The following DMD variants were observed in gnomAD, a reference collection of about 807,000 sequenced individuals.
DMD encodes dystrophin, also known as mutant dystrophin.
DMD carries 63 observed loss-of-function variants against 330.1 expected under a neutral mutation model. The observed-to-expected ratio is 0.19, with a 90% confidence interval of 0.16 to 0.24. The LOEUF (loss-of-function observed/expected upper bound fraction) is 0.24. DMD is among the 10% of genes least tolerant of loss of function. DMD has a pLI of 1.00. For synonymous variants in DMD, 1,223 were observed against 959.8 expected (o/e 1.27, Z -5.07); for missense variants, 3,344 against 2,684.1 (o/e 1.25, Z -5.43).
intron 1 of DMD, among the ~76,000 whole-genome samples, chrX:33,236,555 G>A (rs1443529267): frequency 4.5e-5 from 5 of 110,978 alleles, no homozygotes; most frequent in Non-Finnish European, 9.4e-5. Flanking sequence ...GTGAGCCACC[G>A]CGTCCGGACT....
intron 41 of DMD, among the ~76,000 whole-genome samples, chrX:32,322,295 A>G (rs2097621021): frequency 8.9e-6 from 1 of 112,049 alleles, no homozygotes; most frequent in Admixed American, 9.5e-5. Flanking sequence ...GTGGTGGGTC[A>G]CAACTGAAAT....
chrX:31,481,881 G>A (rs2068315964), intron 57 of DMD, among the ~76,000 whole-genome samples: 2 of 111,449 alleles, frequency 1.8e-5, no homozygotes, highest in African/African-American at 6.5e-5. Context: ...CACAGGGCTA[G>A]CTGGTTTCTG....
intron 59 of DMD, among the ~76,000 whole-genome samples, chrX:31,469,972 A>C (rs770562843): frequency 9.0e-6 from 1 of 110,773 alleles, no homozygotes; most frequent in Admixed American, 9.7e-5. Context: ...GGCTATTGAT[A>C]CTTGTGTATG....
At chrX:32,497,202 T>TA (rs1432264188) in intron 19 of DMD, among the ~76,000 whole-genome samples, 1 of 111,749 alleles carries the variant, frequency 8.9e-6, no homozygotes, top group Non-Finnish European at 1.9e-5. Context: ...AAAAGATAGT[T>TA]ACTTGGTTAA....
chrX:32,608,601 C>T (rs1048706964), intron 12 of DMD, among the ~76,000 whole-genome samples: 1 of 110,200 alleles, frequency 9.1e-6, no homozygotes, highest in Non-Finnish European at 1.9e-5. Flanking sequence ...GTATGCCCAA[C>T]GTTTTAATTG....
intron 7 of DMD, among the ~76,000 whole-genome samples, chrX:32,801,138 C>T (rs1485835008): frequency 7.2e-5 from 8 of 111,447 alleles, no homozygotes; most frequent in Non-Finnish European, 1.3e-4. Flanking sequence ...ATTTACACTC[C>T]CAACAGTGTA....
chrX:31,471,438 C>T (rs781159089), intron 59 of DMD, among the ~76,000 whole-genome samples: 3 of 111,657 alleles, frequency 2.7e-5, no homozygotes, highest in Admixed American at 9.5e-5. Context: ...CGGGGTGAGG[C>T]GACATCCCAC....
At chrX:32,000,945 G>T (rs1271977648) in intron 44 of DMD, among the ~76,000 whole-genome samples, 1 of 110,975 alleles carries the variant, frequency 9.0e-6, no homozygotes, top group African/African-American at 3.3e-5. Flanking sequence ...GGAGGGCAGG[G>T]GTTGAGCATA....
intron 47 of DMD, among the ~76,000 whole-genome samples, chrX:31,912,431 T>G (rs1288792994): frequency 9.0e-6 from 1 of 111,294 alleles, no homozygotes; most frequent in Non-Finnish European, 1.9e-5. Context: ...TCTCGACAAC[T>G]TTTTACAGGG....
intron 67 of DMD, among the ~76,000 whole-genome samples, chrX:31,198,460 T>C (rs112304052): frequency 0.04 from 4,435 of 111,851 alleles, 99 homozygotes; most frequent in Non-Finnish European, 0.062. Context: ...TGATGAATGT[T>C]TGAGATGATG....
At chrX:31,611,912 G>T (rs187640825) in intron 55 of DMD, among the ~76,000 whole-genome samples, 2 of 110,833 alleles carry the variant, frequency 1.8e-5, no homozygotes, top group South Asian at 3.8e-4. Flanking sequence ...ATATATTTAC[G>T]GGGTACATGA....
At chrX:32,452,871 T>C (rs769205043) in intron 26 of DMD, among the ~76,000 whole-genome samples, 111 of 111,313 alleles carry the variant, frequency 1.0e-3, no homozygotes, top group African/African-American at 3.4e-3. Context: ...GGTAATTTTA[T>C]CCCATTTTCC....
At chrX:33,312,617 T>C (rs950427644) in intron 1 of DMD, among the ~76,000 whole-genome samples, 2 of 111,922 alleles carry the variant, frequency 1.8e-5, no homozygotes, top group Non-Finnish European at 3.8e-5. Context: ...ATAAAGTCAC[T>C]GTGAACACTG....
Position 32,595,739 on chromosome X carries a change from T to C in DMD, c.1602+18A>G, listed in dbSNP as rs1051696148. ...CTTTTAAAGGACATATTTAGTTTAC[T>C]AAGCAAAATAATCTGACCTTAAGTT... is the stretch of plus-strand genomic sequence containing the variant. On this transcript the variant is annotated intron_variant, in intron 13 of 78. Transcript: ENST00000357033. The C allele has an allele frequency of 8.3e-7, 1 of 1,208,625 alleles. No homozygotes were observed. Among genetic ancestry groups the C allele is most frequent in the Non-Finnish European group, 1.1e-6 (1 of 892,866 alleles).
chrX:32,162,133 A>G (rs1603627422), intron 44 of DMD, among the ~76,000 whole-genome samples: 1 of 111,778 alleles, frequency 8.9e-6, no homozygotes, highest in Admixed American at 9.5e-5. Context: ...ATACCTATGT[A>G]ACAAACCTGT....
chrX:31,786,243 T>C (rs757284633), intron 50 of DMD, among the ~76,000 whole-genome samples: 1 of 112,185 alleles, frequency 8.9e-6, no homozygotes, highest in Non-Finnish European at 1.9e-5. Flanking sequence ...GCCACATAAA[T>C]GTCTTCTTTT....
chrX:32,768,469 CT>C (rs1380621720), intron 7 of DMD, among the ~76,000 whole-genome samples: 2 of 112,153 alleles, frequency 1.8e-5, no homozygotes, highest in Non-Finnish European at 3.8e-5. Context: ...AAATTGAACA[CT>C]TTTCAGCAAA....
At chrX:32,326,308 C>T (rs1416589108) in intron 41 of DMD, among the ~76,000 whole-genome samples, 3 of 111,901 alleles carry the variant, frequency 2.7e-5, no homozygotes, top group African/African-American at 9.7e-5. Context: ...TTTAGGAACT[C>T]GACTAAAAGA....
intron 41 of DMD, among the ~76,000 whole-genome samples, chrX:32,328,263 G>A: frequency 9.0e-6 from 1 of 111,560 alleles, no homozygotes; most frequent in Admixed American, 9.5e-5. Flanking sequence ...ACTATTATGA[G>A]TTCTTTATAT....
Sources: allele counts gnomAD v4.1 joint callset (sites outside exome capture counted in the v4.1 genomes callset), GRCh38; gene constraint gnomAD v4.1.1; transcripts MANE v1.5; gene names NCBI Gene and HGNC (gene_info 2026-07-23, HGNC 2026-07-21).